The following DGKB variants were observed in gnomAD, a reference collection of about 807,000 sequenced individuals.
The protein encoded by DGKB is diacylglycerol kinase beta.
Under a neutral mutation model 114.3 loss-of-function variants are expected in DGKB, and 67 were observed. That is an observed-to-expected ratio of 0.59 (90% CI 0.48 to 0.72). DGKB has a LOEUF of 0.72. Among genes scored for constraint, DGKB ranks in the 30% least tolerant of loss-of-function variants. The pLI is 0.00. For synonymous variants in DGKB, 398 were observed against 323.1 expected (o/e 1.23, Z -2.49); for missense variants, 907 against 975.2 (o/e 0.93, Z 0.93).
At chr7:14,561,907 G>A (rs1398835827) in intron 20 of DGKB, among the ~76,000 whole-genome samples, 1 of 152,210 alleles carries the variant, frequency 6.6e-6, no homozygotes, top group Non-Finnish European at 1.5e-5. Flanking sequence ...TATTCACCAA[G>A]AAATGGGGAA....
At chr7:14,747,914 C>T (rs1414895761) in intron 4 of DGKB, among the ~76,000 whole-genome samples, 1 of 152,148 alleles carries the variant, frequency 6.6e-6, no homozygotes, top group Non-Finnish European at 1.5e-5. Flanking sequence ...GGGAGCTGCT[C>T]AGATGTCGCT....
At chr7:14,405,848 C>T (rs1823848132) in intron 21 of DGKB, among the ~76,000 whole-genome samples, 1 of 151,970 alleles carries the variant, frequency 6.6e-6, no homozygotes, top group South Asian at 2.1e-4. Flanking sequence ...CGAGAGACAT[C>T]AGGAAGGACA....
At chr7:14,386,674 G>A (rs1040145891) in intron 21 of DGKB, among the ~76,000 whole-genome samples, 3 of 152,176 alleles carry the variant, frequency 2.0e-5, no homozygotes, top group African/African-American at 7.2e-5. Flanking sequence ...CAGCAAAGCT[G>A]TAGATAACTG....
intron 2 of DGKB, among the ~76,000 whole-genome samples, chr7:14,780,517 G>C (rs1838918149): frequency 6.6e-6 from 1 of 152,118 alleles, no homozygotes; most frequent in Admixed American, 6.5e-5. Flanking sequence ...TATGCCACTT[G>C]GAGAATGTTC....
chr7:14,447,856 T>C (rs1830941537), intron 21 of DGKB, among the ~76,000 whole-genome samples: 1 of 152,086 alleles, frequency 6.6e-6, no homozygotes, highest in African/African-American at 2.4e-5. Flanking sequence ...AATCCTAATT[T>C]CCGCAGTTCA....
chr7:14,534,967 G>A (rs1792188486), intron 20 of DGKB, among the ~76,000 whole-genome samples: 1 of 152,028 alleles, frequency 6.6e-6, no homozygotes, highest in Non-Finnish European at 1.5e-5. Flanking sequence ...AATCAAAAAG[G>A]AAATTAGAGA....
chr7:14,610,157 C>T (rs780274838), intron 16 of DGKB, among the ~76,000 whole-genome samples: 22 of 151,970 alleles, frequency 1.4e-4, no homozygotes, highest in Middle Eastern at 3.4e-3. Flanking sequence ...AAAGAAAATG[C>T]GGTACATATA....
At chr7:14,442,242 T>G (rs1361716121) in intron 21 of DGKB, among the ~76,000 whole-genome samples, 1 of 152,036 alleles carries the variant, frequency 6.6e-6, no homozygotes, top group Non-Finnish European at 1.5e-5. Flanking sequence ...ATTTCTTTTG[T>G]TATCAGTTTT....
At chr7:14,315,634 A>G (rs1281246653) in intron 23 of DGKB, among the ~76,000 whole-genome samples, 17 of 146,650 alleles carry the variant, frequency 1.2e-4, no homozygotes, top group African/African-American at 2.8e-4. Context: ...TTCATAAAGC[A>G]AGTCCTGAGT....
chr7:14,416,760 G>A (rs949360358), intron 21 of DGKB, among the ~76,000 whole-genome samples: 5 of 151,990 alleles, frequency 3.3e-5, no homozygotes, highest in African/African-American at 7.3e-5. Flanking sequence ...ACCAAGTCTC[G>A]GGTATGTCTT....
At chr7:14,852,487 C>CAAAAACAAAAAAAAAAAAAA (rs1554304205) in intron 1 of DGKB, among the ~76,000 whole-genome samples, 4 of 63,616 alleles carry the variant, frequency 6.3e-5, no homozygotes, top group Non-Finnish European at 1.2e-4. Context: ...TAGTGAAAGT[C>CAAAAACAAAAAAAAAAAAAA]AAAAAAAAAA....
chr7:14,517,430 T>C (rs1584515183), intron 20 of DGKB, among the ~76,000 whole-genome samples: 1 of 151,156 alleles, frequency 6.6e-6, no homozygotes, highest in East Asian at 1.9e-4. Context: ...CCACAAGCAA[T>C]TGCAAAAAGA....
chr7:14,823,733 T>G (rs1171624989), intron 2 of DGKB, among the ~76,000 whole-genome samples: 1 of 152,174 alleles, frequency 6.6e-6, no homozygotes, highest in Non-Finnish European at 1.5e-5. Flanking sequence ...CTAAAGGTAT[T>G]ACATTTTTCC....
intron 20 of DGKB, among the ~76,000 whole-genome samples, chr7:14,551,564 A>G (rs960675151): frequency 6.6e-6 from 1 of 152,114 alleles, no homozygotes; most frequent in Non-Finnish European, 1.5e-5. Context: ...GGAAAACAGA[A>G]TTGGGCTAAG....
At position 14,366,645 on chromosome 7, in the gene DGKB, C is replaced by T. The variant is rs191642672; in HGVS notation, c.1836-21254G>A. Among the ~76,000 whole-genome samples, 879 of 152,190 alleles carry T rather than the reference C, an allele frequency of 5.8e-3. 3 individuals are homozygous for T. The highest frequency in any genetic ancestry group is 0.017 in the Middle Eastern group (5 of 294). On this transcript the variant is annotated intron_variant, in intron 21 of 25. Coordinates refer to ENST00000402815, the MANE Select transcript of DGKB (RefSeq NM_001350709.2). ...CTTTGTTTCGTAATGCAAATTATTG[C>T]ACCTGAAGCCAAATCCAATCGATTC...
chr7:14,283,670 A>C (rs1800341312), intron 23 of DGKB, among the ~76,000 whole-genome samples: 1 of 151,496 alleles, frequency 6.6e-6, no homozygotes, highest in Admixed American at 6.6e-5. Context: ...ACAGAGATAT[A>C]GATCAATGGA....
chr7:14,393,175 G>C (rs1262772314), intron 21 of DGKB, among the ~76,000 whole-genome samples: 1 of 151,566 alleles, frequency 6.6e-6, no homozygotes, highest in Non-Finnish European at 1.5e-5. Flanking sequence ...ATTTTTAGTA[G>C]AGACGGGGTT....
At chr7:14,389,571 A>T (rs1820990414) in intron 21 of DGKB, among the ~76,000 whole-genome samples, 1 of 152,192 alleles carries the variant, frequency 6.6e-6, no homozygotes, top group African/African-American at 2.4e-5. Flanking sequence ...CCTCTCAGGG[A>T]ACCTGTGCCG....
In DGKB at chr7:14,334,690, T is replaced by C. The variant is rs1810370973; in HGVS notation, c.2122+3825A>G. Among the ~76,000 whole-genome samples, 3 of 152,188 alleles carry C rather than the reference T, an allele frequency of 2.0e-5. No homozygotes were observed. The South Asian group carries it at 6.2e-4, about 32-fold the overall frequency. ...ATTTTAGCTGAAGGTCTTTATATCT[T>C]TTAAAATGCAAAAACCTCTACTTTC... On this transcript the variant is annotated intron_variant, in intron 23 of 25. Coordinates refer to ENST00000402815, the MANE Select transcript of DGKB (RefSeq NM_001350709.2).
Sources: allele counts gnomAD v4.1 joint callset (sites outside exome capture counted in the v4.1 genomes callset), GRCh38; gene constraint gnomAD v4.1.1; transcripts MANE v1.5; gene names NCBI Gene and HGNC (gene_info 2026-07-23, HGNC 2026-07-21).